The following DLG2 variants were observed in gnomAD, a reference collection of about 807,000 sequenced individuals.
DLG2 encodes discs large MAGUK scaffold protein 2, also known as disks large homolog 2.
Under a neutral mutation model 132.5 loss-of-function variants are expected in DLG2, and 45 were observed. The ratio of observed to expected loss-of-function variants is 0.34; its 90% CI spans 0.27 to 0.44. The LOEUF (loss-of-function observed/expected upper bound fraction) is 0.44, where lower values mean the gene tolerates loss of function less well. DLG2 is among the 20% of genes least tolerant of loss of function. DLG2 has a pLI of 1.00. For missense variants in DLG2, 1,045 were observed against 1,196.9 expected (o/e 0.87, Z 1.87); for synonymous variants, 424 against 419.6 (o/e 1.01, Z -0.13).
intron 19 of DLG2, among the ~76,000 whole-genome samples, chr11:83,577,091 C>T (rs749364888): frequency 1.4e-4 from 22 of 152,092 alleles, no homozygotes; most frequent in Admixed American, 9.2e-4. Context: ...CAGCTGCCAG[C>T]GAATATAAAG....
intron 15 of DLG2, among the ~76,000 whole-genome samples, chr11:83,925,079 A>G (rs1165809740): frequency 6.6e-6 from 1 of 152,124 alleles, no homozygotes; most frequent in African/African-American, 2.4e-5. Context: ...GGAGGCCCTT[A>G]GGTTAACGCT....
At chr11:85,007,648 G>A (rs1201248964) in intron 6 of DLG2, among the ~76,000 whole-genome samples, 1 of 128,224 alleles carries the variant, frequency 7.8e-6, no homozygotes, top group African/African-American at 2.8e-5. Flanking sequence ...CTGGGTGACA[G>A]AGCAAGACTC....
chr11:84,957,544 C>T lies in DLG2; in HGVS notation c.357+154117G>A, dbSNP rs189186108. Among the ~76,000 whole-genome samples the T allele has an allele frequency of 2.6e-5, 4 of 152,314 alleles. No homozygotes were observed. The East Asian group carries it at 5.8e-4, about 22-fold the overall frequency. On this transcript the variant is annotated intron_variant, in intron 6 of 27. Transcript: ENST00000376104. ...AGAGGCCAGTTCTTTTGAGGCCTAA[C>T]TCAAATGCCACCTCCTCTTTGAAGT...
intron 3 of DLG2, among the ~76,000 whole-genome samples, chr11:85,294,729 A>G (rs1375049510): frequency 1.3e-5 from 2 of 152,148 alleles, no homozygotes; most frequent in African/African-American, 4.8e-5. Flanking sequence ...TGAACATAGA[A>G]TATGCTCAGC....
At position 84,588,552 on chromosome 11, in the gene DLG2, CA is replaced by C. The variant is rs556507825; in HGVS notation, c.358-53822del. 5.3e-5 allele frequency among the ~76,000 whole-genome samples: 8 copies of C among 152,082 alleles called. No individual in the cohort carries two copies. The South Asian group carries it at 1.0e-3, about 20-fold the overall frequency. ...TTTACGGACTCTGAAGCCCTTTTGT[CA>C]GAGGCATTTGAACCAGAGCAGCTCC... On this transcript the variant is annotated intron_variant, in intron 6 of 27. Coordinates refer to ENST00000376104, the MANE Select transcript of DLG2 (RefSeq NM_001142699.3).
In DLG2 at chr11:84,399,137, C is replaced by T. The variant is rs557994258; in HGVS notation, c.519+135433G>A. On this transcript the variant is annotated intron_variant, in intron 7 of 27. Transcript: ENST00000376104. ...TAGTCTAAACAAATATCAGAAACTT[C>T]TTAAGACAGATCATCATACAAAAAT... Among the ~76,000 whole-genome samples the T allele has an allele frequency of 1.4e-3, 213 of 152,246 alleles. 1 individual carries two copies. Among genetic ancestry groups the T allele is most frequent in the Middle Eastern group, 0.014 (4 of 294 alleles).
At chr11:84,505,986 G>A (rs1334078402) in intron 7 of DLG2, among the ~76,000 whole-genome samples, 2 of 151,912 alleles carry the variant, frequency 1.3e-5, no homozygotes, top group African/African-American at 2.4e-5. Context: ...TGACAGAAGT[G>A]GCTTTGCAGA....
At chr11:85,321,824 G>A (rs958128842) in intron 3 of DLG2, among the ~76,000 whole-genome samples, 6 of 152,000 alleles carry the variant, frequency 3.9e-5, no homozygotes, top group African/African-American at 1.2e-4. Context: ...GTTTAGTGAC[G>A]TGGTCAGCAA....
intron 7 of DLG2, among the ~76,000 whole-genome samples, chr11:84,308,788 C>A (rs1427497843): frequency 6.6e-6 from 1 of 152,218 alleles, no homozygotes; most frequent in East Asian, 1.9e-4. Context: ...GGGTGCTAAG[C>A]CCGTCATTGC....
At position 85,146,377 on chromosome 11, in the gene DLG2, G is replaced by A. The variant is rs898270039; in HGVS notation, c.282+8179C>T. ...TCACAGTATTTGGGTCTTATCCAAG[G>A]TCCATGGCTACTCTTTCCTGGCTGC... On this transcript the variant is annotated intron_variant, in intron 5 of 27. Transcript: ENST00000376104. Among the ~76,000 whole-genome samples the A allele has an allele frequency of 2.6e-5, 4 of 151,974 alleles. No individual in the cohort carries two copies. In the East Asian group the frequency reaches 7.7e-4, roughly 29 times the overall value.
rs376369276 is a variant in DLG2, at chr11:85,285,289, T to C, written c.117A>G (p.Gln39=). The C allele has an allele frequency of 2.5e-6, 4 of 1,612,196 alleles. No homozygotes were observed. Among genetic ancestry groups the C allele is most frequent in the Non-Finnish European group, 3.4e-6 (4 of 1,178,736 alleles). Residue 39 remains glutamine (Q), a synonymous_variant, in exon 4 of 28, where the codon CAA becomes CAG. Coordinates refer to ENST00000376104, the MANE Select transcript of DLG2 (RefSeq NM_001142699.3). ...ATGTCTTCTCCCATTTCTGTAAAACTTGATTGGCTTCTTCTATCTTCTGCT... is the reference window on the plus strand; with the variant it reads ...ATGTCTTCTCCCATTTCTGTAAAACCTGATTGGCTTCTTCTATCTTCTGCT... ...SCEQKIEEAN[Q]VLQKWEKTSL... is the part of the protein sequence containing the mutation.
In DLG2 at chr11:84,580,096, C is replaced by G. The variant is rs143956400; in HGVS notation, c.358-45365G>C. Among the ~76,000 whole-genome samples the G allele has an allele frequency of 7.4e-4, 112 of 152,262 alleles. 1 individual carries two copies. The highest frequency in any genetic ancestry group is 2.4e-3 in the African/African-American group (98 of 41,550). On this transcript the variant is annotated intron_variant, in intron 6 of 27. Transcript: ENST00000376104. Reference sequence around the variant, plus strand: ...GACTTCTAGAAATCAGGGGGAGGAACTGGGCTACTGATTTAAATGAGGAAA... The same window carrying G: ...GACTTCTAGAAATCAGGGGGAGGAAGTGGGCTACTGATTTAAATGAGGAAA...
intron 18 of DLG2, among the ~76,000 whole-genome samples, chr11:83,721,645 A>C (rs191197078): frequency 2.0e-5 from 3 of 152,362 alleles, no homozygotes; most frequent in African/African-American, 7.2e-5. Flanking sequence ...GTCAGCAATG[A>C]GGAAAGCACA....
At chr11:85,154,489 T>C (rs775247928) in intron 5 of DLG2, 67 bp downstream of exon 5, 4 of 818,418 alleles carry the variant, frequency 4.9e-6, no homozygotes, top group East Asian at 2.7e-5. Flanking sequence ...ACTAGCACTA[T>C]CCACAAAGAA....
chr11:84,876,656 G>T (rs932287392), intron 6 of DLG2, among the ~76,000 whole-genome samples: 1 of 151,920 alleles, frequency 6.6e-6, no homozygotes, highest in African/African-American at 2.4e-5. Flanking sequence ...TTGATTTTTT[G>T]AAGGGTTTTC....
At chr11:83,826,437 G>A (rs975392941) in intron 17 of DLG2, among the ~76,000 whole-genome samples, 5 of 152,188 alleles carry the variant, frequency 3.3e-5, no homozygotes, top group African/African-American at 1.2e-4. Context: ...CAGTAAGGTA[G>A]GGAGAAGTCT....
chr11:84,630,202 T>C (rs904585381), intron 6 of DLG2, among the ~76,000 whole-genome samples: 1 of 152,124 alleles, frequency 6.6e-6, no homozygotes, highest in Admixed American at 6.6e-5. Flanking sequence ...CCTCAGCAGA[T>C]CCAGTGGTTT....
At chr11:84,599,443 C>T (rs2099570743) in intron 6 of DLG2, among the ~76,000 whole-genome samples, 2 of 152,152 alleles carry the variant, frequency 1.3e-5, no homozygotes, top group African/African-American at 2.4e-5. Flanking sequence ...TTCTTTCTTG[C>T]TTTAGTGCCT....
At chr11:83,899,274 G>A (rs12270625) in intron 15 of DLG2, among the ~76,000 whole-genome samples, 14,689 of 151,006 alleles carry the variant, frequency 0.097, 869 homozygotes, top group Middle Eastern at 0.2. Flanking sequence ...AGACTTTTCA[G>A]TACTGCACTT....
Sources: allele counts gnomAD v4.1 joint callset (sites outside exome capture counted in the v4.1 genomes callset), GRCh38; gene constraint gnomAD v4.1.1; transcripts MANE v1.5; gene names NCBI Gene and HGNC (gene_info 2026-07-23, HGNC 2026-07-21).